The following GPR158 variants were observed in gnomAD, a reference collection of about 807,000 sequenced individuals.
The protein encoded by GPR158 is metabotropic glycine receptor.
GPR158 carries 30 observed loss-of-function variants against 78.2 expected under a neutral mutation model. The ratio of observed to expected loss-of-function variants is 0.38; its 90% CI spans 0.29 to 0.52. GPR158 has a LOEUF of 0.52. Among genes scored for constraint, GPR158 ranks in the 20% least tolerant of loss-of-function variants. GPR158 has a pLI of 0.83. For synonymous variants in GPR158, 581 were observed against 591.1 expected, an observed-to-expected ratio of 0.98 and a Z score of 0.25; for missense variants, 1,463 against 1,523.5, an observed-to-expected ratio of 0.96 and a Z score of 0.66.
chr10:25,222,120 G>A (rs1009151702), intron 2 of GPR158, among the ~76,000 whole-genome samples: 1 of 151,994 alleles, frequency 6.6e-6, no homozygotes, highest in Non-Finnish European at 1.5e-5. Context: ...ATACATGCAT[G>A]CATATACATG....
At chr10:25,594,607 C>T (rs1837378497) in intron 9 of GPR158, among the ~76,000 whole-genome samples, 1 of 152,074 alleles carries the variant, frequency 6.6e-6, no homozygotes, top group Non-Finnish European at 1.5e-5. Flanking sequence ...AAAAACCCAT[C>T]ATCTGTTTCA....
chr10:25,535,547 T>C (rs997756289), intron 5 of GPR158, among the ~76,000 whole-genome samples: 20 of 152,164 alleles, frequency 1.3e-4, no homozygotes, highest in Non-Finnish European at 8.8e-5. Flanking sequence ...CAGACCTGAG[T>C]AATGGCTTGA....
At chr10:25,183,018 C>A (rs1171307107) in intron 1 of GPR158, among the ~76,000 whole-genome samples, 1 of 152,190 alleles carries the variant, frequency 6.6e-6, no homozygotes, top group East Asian at 1.9e-4. Flanking sequence ...CTTTTCCCAG[C>A]ACAGCAATGT....
intron 2 of GPR158, among the ~76,000 whole-genome samples, chr10:25,240,147 A>G (rs1368203451): frequency 1.3e-5 from 2 of 152,126 alleles, no homozygotes; most frequent in Non-Finnish European, 2.9e-5. Flanking sequence ...TGTAATGGGG[A>G]CAAAATTATT....
chr10:25,558,280 G>A (rs193291927), intron 6 of GPR158, among the ~76,000 whole-genome samples: 1 of 152,302 alleles, frequency 6.6e-6, no homozygotes, highest in East Asian at 1.9e-4. Flanking sequence ...ATCTGGTAAT[G>A]CAGAATTAGT....
intron 2 of GPR158, among the ~76,000 whole-genome samples, chr10:25,373,319 A>AG (rs965449435): frequency 2.6e-5 from 4 of 151,822 alleles, no homozygotes; most frequent in Non-Finnish European, 5.9e-5. Flanking sequence ...AGAGGATCAG[A>AG]GAAAAAAAAA....
chr10:25,408,488 A>C (rs1834543829), intron 3 of GPR158, among the ~76,000 whole-genome samples: 1 of 152,212 alleles, frequency 6.6e-6, no homozygotes, highest in South Asian at 2.1e-4. Flanking sequence ...TGAATCTTAC[A>C]GCCCATACTT....
chr10:25,562,044 CAAGA>C (rs1836867838), intron 6 of GPR158, among the ~76,000 whole-genome samples: 1 of 124,450 alleles, frequency 8.0e-6, no homozygotes, highest in Admixed American at 7.9e-5. Flanking sequence ...TTTTTTTTTG[CAAGA>C]AAGAGAACCA....
At chr10:25,420,236 A>G (rs2130559615) in intron 4 of GPR158, among the ~76,000 whole-genome samples, 1 of 152,222 alleles carries the variant, frequency 6.6e-6, no homozygotes, top group East Asian at 1.9e-4. Context: ...TGCAGCCTCA[A>G]ACTCCGGGGC....
rs144453654 is a variant in GPR158, at chr10:25,418,964, G to A, written c.1335+6491G>A. Among the ~76,000 whole-genome samples, 1,059 of 151,706 alleles carry A rather than the reference G, an allele frequency of 7.0e-3. 6 individuals carry two copies. The highest frequency in any genetic ancestry group is 0.024 in the Middle Eastern group (7 of 288). On this transcript the variant is annotated intron_variant, in intron 4 of 10. Coordinates refer to ENST00000376351, the MANE Select transcript of GPR158 (RefSeq NM_020752.3). ...TAATTTTTTGTTTGAAAAATGAGAT[G>A]TTTTAATATAGTATGTGAAGTGATT...
intron 2 of GPR158, among the ~76,000 whole-genome samples, chr10:25,238,049 T>C (rs564501306): frequency 2.6e-5 from 4 of 152,142 alleles, no homozygotes. Context: ...ATTCTTGTCT[T>C]TCTTTTCTTT....
chr10:25,185,802 G>A (rs143919825), intron 1 of GPR158, among the ~76,000 whole-genome samples: 1,813 of 151,494 alleles, frequency 0.012, 47 homozygotes, highest in African/African-American at 0.042. Flanking sequence ...CAGCCTGGGC[G>A]ACAGAGAAAA....
intron 7 of GPR158, among the ~76,000 whole-genome samples, chr10:25,586,182 C>T (rs190617207): frequency 2.6e-5 from 4 of 152,112 alleles, no homozygotes; most frequent in Admixed American, 1.3e-4. Flanking sequence ...AATGAAGACA[C>T]GTTGACGCCT....
At chr10:25,240,861 C>T (rs1853594809) in intron 2 of GPR158, among the ~76,000 whole-genome samples, 2 of 152,112 alleles carry the variant, frequency 1.3e-5, no homozygotes, top group African/African-American at 4.8e-5. Context: ...TCAATATGTA[C>T]CTTCATGAAG....
At chr10:25,206,593 A>G (rs1853034569) in intron 1 of GPR158, among the ~76,000 whole-genome samples, 1 of 152,202 alleles carries the variant, frequency 6.6e-6, no homozygotes, top group East Asian at 1.9e-4. Flanking sequence ...TCTTTGTTGT[A>G]AAACATATAT....
At chr10:25,527,344 A>G (rs1221786008) in intron 5 of GPR158, among the ~76,000 whole-genome samples, 1 of 152,214 alleles carries the variant, frequency 6.6e-6, no homozygotes, top group Admixed American at 6.5e-5. Context: ...CATATGGTAT[A>G]CCATAAAATG....
Position 25,564,450 on chromosome 10 carries a change from C to T in GPR158, c.1515-8199C>T, listed in dbSNP as rs570824863. ...TTGTCTTAACCATTATTCATTGTCC[C>T]GGGTAGCATTGACTAATCCACTTGC... On this transcript the variant is annotated intron_variant, in intron 6 of 10. Coordinates refer to ENST00000376351, the MANE Select transcript of GPR158 (RefSeq NM_020752.3). Among the ~76,000 whole-genome samples, 286 of 152,224 alleles carry T rather than the reference C, an allele frequency of 1.9e-3. 1 individual carries two copies. Among genetic ancestry groups the T allele is most frequent in the Non-Finnish European group, 3.3e-3 (225 of 68,022 alleles).
chr10:25,455,394 CT>C lies in GPR158; in HGVS notation c.1336-11249del, dbSNP rs530672118. 2.0e-4 allele frequency among the ~76,000 whole-genome samples: 31 copies of C among 152,018 alleles called. No homozygotes were observed. The East Asian group carries it at 5.8e-3, about 28-fold the overall frequency. Reference sequence around the variant, plus strand: ...TAAAAAAATCTGTTATATTATAAAACTTTTTTTTCTAACGTTTGGTTTTATA... The same window carrying C: ...TAAAAAAATCTGTTATATTATAAAACTTTTTTTCTAACGTTTGGTTTTATA... On this transcript the variant is annotated intron_variant, in intron 4 of 10. Coordinates refer to ENST00000376351, the MANE Select transcript of GPR158 (RefSeq NM_020752.3).
chr10:25,268,953 T>A (rs1342829798), intron 2 of GPR158, among the ~76,000 whole-genome samples: 1 of 152,216 alleles, frequency 6.6e-6, no homozygotes, highest in Non-Finnish European at 1.5e-5. Flanking sequence ...GTAAAACACC[T>A]CTTTTGTCAA....
Sources: allele counts gnomAD v4.1 joint callset (sites outside exome capture counted in the v4.1 genomes callset), GRCh38; gene constraint gnomAD v4.1.1; transcripts MANE v1.5; gene names NCBI Gene and HGNC (gene_info 2026-07-23, HGNC 2026-07-21).